Variants in EXT1 observed in about 807,000 individuals in gnomAD.
EXT1 encodes exostosin glycosyltransferase 1.
EXT1 carries 20 observed loss-of-function variants against 82.5 expected under a neutral mutation model. The ratio of observed to expected loss-of-function variants is 0.24; its 90% CI spans 0.17 to 0.35. The LOEUF is 0.35. EXT1 is among the 10% of genes least tolerant of loss of function. The pLI, the probability that EXT1 is intolerant of heterozygous loss-of-function variation, is 1.00. For missense variants in EXT1, 757 were observed against 936.5 expected (o/e 0.81, Z 2.50); for synonymous variants, 348 against 350.8 (o/e 0.99, Z 0.09).
intron 1 of EXT1, among the ~76,000 whole-genome samples, chr8:117,969,095 G>A (rs1443982160): frequency 6.6e-6 from 1 of 152,148 alleles, no homozygotes; most frequent in Non-Finnish European, 1.5e-5. Flanking sequence ...AAAAAACAAA[G>A]CGGCCACATT....
chr8:117,849,926 T>C (rs1176310202), intron 1 of EXT1, among the ~76,000 whole-genome samples: 1 of 152,218 alleles, frequency 6.6e-6, no homozygotes, highest in African/African-American at 2.4e-5. Context: ...TTCAGAAGTA[T>C]AGATCATTTT....
intron 1 of EXT1, among the ~76,000 whole-genome samples, chr8:118,009,761 T>A (rs563848882): frequency 6.6e-6 from 1 of 152,296 alleles, no homozygotes; most frequent in South Asian, 2.1e-4. Flanking sequence ...AGAGTCTAAC[T>A]ACTGCCTGAT....
chr8:117,905,327 C>G (rs1229077619), intron 1 of EXT1, among the ~76,000 whole-genome samples: 1 of 152,204 alleles, frequency 6.6e-6, no homozygotes, highest in Admixed American at 6.5e-5. Flanking sequence ...GTATTATTCC[C>G]TTCCCCATTC....
chr8:117,934,301 C>T (rs540048959), intron 1 of EXT1, among the ~76,000 whole-genome samples: 9 of 151,954 alleles, frequency 5.9e-5, no homozygotes, highest in South Asian at 2.1e-4. Flanking sequence ...ACAGCATGGA[C>T]GAAGGATCCA....
chr8:118,038,442 G>C (rs960104989), intron 1 of EXT1, among the ~76,000 whole-genome samples: 1 of 152,156 alleles, frequency 6.6e-6, no homozygotes, highest in African/African-American at 2.4e-5. Context: ...CCAAGCATCT[G>C]ACTCTGGTTA....
chr8:117,833,482 G>A (rs1178519139), intron 3 of EXT1, among the ~76,000 whole-genome samples: 3 of 152,104 alleles, frequency 2.0e-5, no homozygotes, highest in African/African-American at 7.2e-5. Flanking sequence ...GAGTGTGGTG[G>A]CAGGCACTTG....
At chr8:117,867,211 A>T (rs1033480145) in intron 1 of EXT1, among the ~76,000 whole-genome samples, 2 of 138,106 alleles carry the variant, frequency 1.4e-5, no homozygotes, top group Non-Finnish European at 3.1e-5. Context: ...GTGGGCCGAG[A>T]TTGCACCACT....
At chr8:117,808,463 T>C (rs1310893444) in intron 8 of EXT1, among the ~76,000 whole-genome samples, 1 of 152,244 alleles carries the variant, frequency 6.6e-6, no homozygotes, top group Non-Finnish European at 1.5e-5. Context: ...GGCAGTCTGG[T>C]TTCAAATGTG....
At chr8:117,936,282 T>C (rs1814160501) in intron 1 of EXT1, among the ~76,000 whole-genome samples, 1 of 149,288 alleles carries the variant, frequency 6.7e-6, no homozygotes, top group Non-Finnish European at 1.5e-5. Flanking sequence ...ATACTCCACA[T>C]ACCCCACTGT....
At chr8:117,870,317 G>A (rs573902473) in intron 1 of EXT1, among the ~76,000 whole-genome samples, 20 of 152,322 alleles carry the variant, frequency 1.3e-4, no homozygotes, top group Admixed American at 2.6e-4. Flanking sequence ...GATTGCCAAG[G>A]TGTAGGTCTC....
chr8:117,874,402 C>A (rs1323620007), intron 1 of EXT1, among the ~76,000 whole-genome samples: 1 of 151,876 alleles, frequency 6.6e-6, no homozygotes, highest in Admixed American at 6.6e-5. Context: ...ATGGCGAAAC[C>A]TAGTCTCTAC....
chr8:117,967,897 T>C (rs1007918686), intron 1 of EXT1, among the ~76,000 whole-genome samples: 3 of 152,204 alleles, frequency 2.0e-5, no homozygotes, highest in Admixed American at 6.5e-5. Flanking sequence ...AAAGATCTGA[T>C]GTACATGAGG....
At chr8:117,873,448 T>C (rs1812909467) in intron 1 of EXT1, among the ~76,000 whole-genome samples, 1 of 53,418 alleles carries the variant, frequency 1.9e-5, no homozygotes, top group South Asian at 7.5e-4. Context: ...GTCCTGTGAC[T>C]TTTTTTTTTT....
At chr8:117,984,363 A>C (rs1387042946) in intron 1 of EXT1, among the ~76,000 whole-genome samples, 2 of 151,402 alleles carry the variant, frequency 1.3e-5, no homozygotes, top group Non-Finnish European at 2.9e-5. Flanking sequence ...GGTGAGGTGG[A>C]GGCTGAAGTG....
chr8:117,860,555 T>G (rs1445506544), intron 1 of EXT1, among the ~76,000 whole-genome samples: 1 of 152,230 alleles, frequency 6.6e-6, no homozygotes, highest in South Asian at 2.1e-4. Flanking sequence ...GAGTATCTAT[T>G]ACATAGATAA....
chr8:117,804,636 G>C, intron 10 of EXT1, 86 bp downstream of exon 10: 1 of 1,458,722 alleles, frequency 6.9e-7, no homozygotes. Context: ...CTCCTGGGTG[G>C]AACAGCTAGA....
chr8:117,932,053 A>G (rs1814070702), intron 1 of EXT1, among the ~76,000 whole-genome samples: 1 of 152,220 alleles, frequency 6.6e-6, no homozygotes, highest in African/African-American at 2.4e-5. Flanking sequence ...AACAAAAGCA[A>G]TTTAAATTAT....
chr8:117,843,984 T>A (rs1400459285), intron 1 of EXT1, among the ~76,000 whole-genome samples: 1 of 152,082 alleles, frequency 6.6e-6, no homozygotes, highest in Admixed American at 6.6e-5. Context: ...TCGTTGCCAA[T>A]TTAAAAGGGC....
chr8:117,956,005 T>C (rs1255752506), intron 1 of EXT1, among the ~76,000 whole-genome samples: 1 of 152,170 alleles, frequency 6.6e-6, no homozygotes, highest in African/African-American at 2.4e-5. Flanking sequence ...AGATGGAACA[T>C]TAACATAATG....
Sources: gnomAD v4.1 joint callset for allele counts (sites outside exome capture counted in the v4.1 genomes callset) on GRCh38, gnomAD v4.1.1 for gene constraint, MANE v1.5 for transcripts, NCBI Gene and HGNC (gene_info 2026-07-23, HGNC 2026-07-21) for gene names.